Variants in TMEM255A observed in about 807,000 individuals in gnomAD.
TMEM255A encodes transmembrane protein 255A.
A neutral mutation model predicts 23.5 loss-of-function variants in TMEM255A; 14 were observed. The observed-to-expected ratio is 0.60, with a 90% confidence interval of 0.39 to 0.93. The LOEUF (loss-of-function observed/expected upper bound fraction) is 0.93, where lower values mean the gene tolerates loss of function less well. Among genes scored for constraint, TMEM255A ranks in the 40% least tolerant of loss-of-function variants. The pLI is 0.00. For synonymous variants in TMEM255A, 104 were observed against 100.3 expected, an observed-to-expected ratio of 1.04 and a Z score of -0.22; for missense variants, 233 against 261.7, an observed-to-expected ratio of 0.89 and a Z score of 0.76.
intron 7 of TMEM255A, among the ~76,000 whole-genome samples, chrX:120,269,810 T>G (rs1603400383): frequency 1.8e-5 from 2 of 112,111 alleles, no homozygotes; most frequent in South Asian, 3.7e-4. Flanking sequence ...ATTCTGTCTC[T>G]GGGGAAGTAC....
At chrX:120,255,287 A>C (rs557274880), downstream of TMEM255A, 384 of 1,209,969 alleles carry the variant, frequency 3.2e-4, 4 homozygotes, top group South Asian at 6.4e-3. Context: ...CTGGAAAAGA[A>C]CCTCCAGTAG....
At chrX:120,281,748 T>C (rs1390125400) in intron 6 of TMEM255A, among the ~76,000 whole-genome samples, 1 of 112,647 alleles carries the variant, frequency 8.9e-6, no homozygotes, top group Non-Finnish European at 1.9e-5. Context: ...TCCTTTAGGT[T>C]ACGGGCTGAA....
At chrX:120,297,668 A>G (rs2058006205) in intron 2 of TMEM255A, among the ~76,000 whole-genome samples, 1 of 111,348 alleles carries the variant, frequency 9.0e-6, no homozygotes, top group Admixed American at 9.6e-5. Context: ...GTAAAGATGT[A>G]TGCCCTCTTA....
chrX:120,262,556 C>A (rs1052902619), intron 8 of TMEM255A, among the ~76,000 whole-genome samples: 27 of 111,376 alleles, frequency 2.4e-4, no homozygotes, highest in African/African-American at 8.5e-4. Context: ...TTTCCTCCTC[C>A]CTCCAAGAAG....
At position 120,291,252 on chromosome X, in the gene TMEM255A, A is replaced by G; in HGVS notation, c.353T>C (p.Ile118Thr). Residue 118 changes from isoleucine to threonine, a missense_variant and splice_region_variant, in exon 4 of 9, where the codon ATT becomes ACT. Coordinates refer to ENST00000371369, the MANE Select transcript of TMEM255A (RefSeq NM_001104544.3). ...IVDGVFAARH[I>T]DLKPLYANRC... ...AACTCAGGACGAAAAAATACTCACA[A>G]TGTGTCTGGCAGCAAAGACCCCGTC... 3.3e-6 allele frequency: 4 copies of G among 1,205,087 alleles called. No individual in the cohort carries two copies. Among genetic ancestry groups the G allele is most frequent in the Non-Finnish European group, 4.5e-6 (4 of 890,543 alleles).
chrX:120,259,829 C>A lies in TMEM255A; in HGVS notation c.*1041G>T, dbSNP rs1007565871. 1 of 111,421 alleles carries A rather than the reference C, an allele frequency of 9.0e-6. No individual in the cohort carries two copies. The highest frequency in any genetic ancestry group is 3.3e-5 in the African/African-American group (1 of 30,463). The allele number at this position is 111,421 out of a possible 1,213,427, so 9.2% of individuals were successfully genotyped here. On this transcript the variant is annotated 3_prime_UTR_variant, in exon 9 of 9. Coordinates refer to ENST00000371369, the MANE Select transcript of TMEM255A (RefSeq NM_001104544.3). ...CGTTTGAGGTTTTGCAGACTTGAAG[C>A]GGCATTGTAACACTTTCATAATCTT... is the stretch of plus-strand genomic sequence containing the variant.
At chrX:120,253,526 T>C in the TMEM255A span, 2 of 1,211,932 alleles carry the variant, frequency 1.7e-6, no homozygotes, top group African/African-American at 3.5e-5. Flanking sequence ...TTACCGTTAT[T>C]GTGGAAGACC....
At chrX:120,269,808 T>C (rs1343524296) in intron 7 of TMEM255A, among the ~76,000 whole-genome samples, 1 of 112,081 alleles carries the variant, frequency 8.9e-6, no homozygotes, top group Non-Finnish European at 1.9e-5. Context: ...AAATTCTGTC[T>C]CTGGGGAAGT....
intron 6 of TMEM255A, among the ~76,000 whole-genome samples, chrX:120,279,272 G>A (rs1475564754): frequency 8.9e-6 from 1 of 112,103 alleles, no homozygotes; most frequent in African/African-American, 3.2e-5. Flanking sequence ...ACCACACTTG[G>A]CCCATAGTGG....
At chrX:120,256,196 G>C (rs1236502362), downstream of TMEM255A, 1 of 123,117 alleles carries the variant, frequency 8.1e-6, no homozygotes, top group African/African-American at 3.3e-5. Context: ...CTGTTGCATG[G>C]ATTTTTAATT....
chrX:120,261,159 A>C, intron 8 of TMEM255A, 131 bp from the exon 9 acceptor site: 2 of 906,442 alleles, frequency 2.2e-6, no homozygotes, highest in Non-Finnish European at 1.5e-6. Flanking sequence ...CCCAAACCTC[A>C]CAGAGTTAAT....
chrX:120,269,253 C>A lies in TMEM255A; in HGVS notation c.676-866G>T, dbSNP rs782404565. Among the ~76,000 whole-genome samples the A allele has an allele frequency of 2.7e-5, 3 of 111,527 alleles. No individual in the cohort carries two copies. The East Asian group carries it at 8.4e-4, about 31-fold the overall frequency. ...TCCAGAATGGAGGCCCTGCTCTCAT[C>A]AGAGCCAAAGCACTGCTAAAGGAAG... On this transcript the variant is annotated intron_variant, in intron 7 of 8. Coordinates refer to ENST00000371369, the MANE Select transcript of TMEM255A (RefSeq NM_001104544.3).
In TMEM255A at chrX:120,269,595, C is replaced by G. The variant is rs115737962; in HGVS notation, c.676-1208G>C. Among the ~76,000 whole-genome samples, 270 of 111,680 alleles carry G rather than the reference C, an allele frequency of 2.4e-3. 1 individual carries two copies. The highest frequency in any genetic ancestry group is 8.2e-3 in the African/African-American group (252 of 30,728). On this transcript the variant is annotated intron_variant, in intron 7 of 8. Coordinates refer to ENST00000371369, the MANE Select transcript of TMEM255A (RefSeq NM_001104544.3). ...TCAACACAGTTCTGTTGCTCTCTTC[C>G]TTGGAGTGGGTTACTGTTTACATCT... is the stretch of plus-strand genomic sequence containing the variant.
In TMEM255A at chrX:120,258,965, C is replaced by T. The variant is rs1556016007; in HGVS notation, c.*1905G>A. 2 of 112,355 alleles carry T rather than the reference C, an allele frequency of 1.8e-5. No homozygotes were observed. Among genetic ancestry groups the T allele is most frequent in the Non-Finnish European group, 3.8e-5 (2 of 53,189 alleles). 9.3% of individuals were successfully genotyped at this position (112,355 alleles called of 1,213,427 possible). On this transcript the variant is annotated 3_prime_UTR_variant, in exon 9 of 9. Coordinates refer to ENST00000371369, the MANE Select transcript of TMEM255A (RefSeq NM_001104544.3). ...TGTATAATTCAATGTAATAAAAAAGCTGCTCAAATTAAGTGTTACAAAATC... is the reference window on the plus strand; with the variant it reads ...TGTATAATTCAATGTAATAAAAAAGTTGCTCAAATTAAGTGTTACAAAATC...
the TMEM255A span, chrX:120,253,593 C>T: frequency 8.3e-7 from 1 of 1,210,860 alleles, no homozygotes; most frequent in Non-Finnish European, 1.1e-6. Context: ...CTTCCATCAG[C>T]TCTTCTCTGT....
At chrX:120,269,589 C>G (rs1282930545) in intron 7 of TMEM255A, among the ~76,000 whole-genome samples, 7 of 111,733 alleles carry the variant, frequency 6.3e-5, no homozygotes, top group Non-Finnish European at 1.1e-4. Context: ...TTCTGTTGCT[C>G]TCTTCCTTGG....
chrX:120,290,088 T>C (rs1273406535), intron 4 of TMEM255A, among the ~76,000 whole-genome samples: 1 of 111,592 alleles, frequency 9.0e-6, no homozygotes, highest in Non-Finnish European at 1.9e-5. Context: ...AAATCTAAAA[T>C]TGACTGTGGT....
At chrX:120,258,180 G>A (rs1387576604), downstream of TMEM255A, 2 of 122,977 alleles carry the variant, frequency 1.6e-5, no homozygotes, top group Non-Finnish European at 3.8e-5. Flanking sequence ...ATTTTGTATT[G>A]TCAAGGCATG....
chrX:120,262,145 CT>C (rs1569330999), intron 8 of TMEM255A, among the ~76,000 whole-genome samples: 1 of 110,806 alleles, frequency 9.0e-6, no homozygotes, highest in Non-Finnish European at 1.9e-5. Context: ...CAAAAATTAG[CT>C]GGGAGTGGTG....
Sources: gnomAD v4.1 joint callset for allele counts (sites outside exome capture counted in the v4.1 genomes callset) on GRCh38, gnomAD v4.1.1 for gene constraint, MANE v1.5 for transcripts, NCBI Gene and HGNC (gene_info 2026-07-23, HGNC 2026-07-21) for gene names.